CDK14: variants seen among roughly 807,000 people sequenced by gnomAD.
CDK14 encodes the protein cyclin-dependent kinase 14.
In CDK14, 34 loss-of-function variants were observed where a neutral mutation model predicts 60.7. The observed-to-expected ratio is 0.56, with a 90% confidence interval of 0.43 to 0.75. The LOEUF is 0.75. Among genes scored for constraint, CDK14 ranks in the 30% least tolerant of loss-of-function variants. The probability of loss-of-function intolerance (pLI) is 0.00; values close to 1 mark genes in which losing one functional copy is unlikely to be tolerated. For synonymous variants in CDK14, 197 were observed against 203.7 expected, an observed-to-expected ratio of 0.97 and a Z score of 0.28; for missense variants, 482 against 564.1, an observed-to-expected ratio of 0.85 and a Z score of 1.47.
chr7:90,601,951 TATG>T (rs1799325300), intron 1 of CDK14, among the ~76,000 whole-genome samples: 2 of 151,742 alleles, frequency 1.3e-5, no homozygotes, highest in African/African-American at 4.8e-5. Flanking sequence ...TGTATGTATG[TATG>T]TATGTATGTA....
At chr7:90,621,768 CT>C (rs1220637576) in intron 2 of CDK14, among the ~76,000 whole-genome samples, 1 of 151,718 alleles carries the variant, frequency 6.6e-6, no homozygotes, top group Non-Finnish European at 1.5e-5. Context: ...AATGTTTTTT[CT>C]GTATGGACCT....
At chr7:90,617,042 A>G (rs1312332121) in intron 2 of CDK14, among the ~76,000 whole-genome samples, 4 of 152,104 alleles carry the variant, frequency 2.6e-5, no homozygotes, top group African/African-American at 9.7e-5. Context: ...AATAATTTTA[A>G]TATTTGCTAT....
At position 90,964,324 on chromosome 7, in the gene CDK14, T is replaced by C. The variant is rs1794692826; in HGVS notation, c.947+8507T>C. On this transcript the variant is annotated intron_variant, in intron 9 of 14. Transcript: ENST00000380050. Reference sequence around the variant, plus strand: ...AACTTTGACAAAATGTAACTAGCAGTGTTTTGCTTTATAAAGGAGAGTCAT... The same window carrying C: ...AACTTTGACAAAATGTAACTAGCAGCGTTTTGCTTTATAAAGGAGAGTCAT... Among the ~76,000 whole-genome samples the C allele has an allele frequency of 2.0e-5, 3 of 152,188 alleles. No individual in the cohort carries two copies. In the South Asian group the frequency reaches 6.2e-4, roughly 32 times the overall value.
chr7:91,059,829 G>A (rs1797719426), intron 11 of CDK14, among the ~76,000 whole-genome samples: 2 of 152,234 alleles, frequency 1.3e-5, no homozygotes, highest in African/African-American at 4.8e-5. Context: ...TTCCAAGTAT[G>A]TGGTCAATTT....
At chr7:90,779,531 G>A (rs187193344) in intron 4 of CDK14, among the ~76,000 whole-genome samples, 391 of 152,220 alleles carry the variant, frequency 2.6e-3, no homozygotes, top group Middle Eastern at 6.8e-3. Flanking sequence ...TTTATATAGC[G>A]TGCTGAGATT....
chr7:91,164,660 G>A (rs1801288477), intron 14 of CDK14, among the ~76,000 whole-genome samples: 1 of 152,118 alleles, frequency 6.6e-6, no homozygotes, highest in African/African-American at 2.4e-5. Context: ...ATAGCAGCTG[G>A]CCCGAAATAC....
chr7:91,075,193 G>A (rs1358127859), intron 11 of CDK14, among the ~76,000 whole-genome samples: 1 of 152,076 alleles, frequency 6.6e-6, no homozygotes, highest in Non-Finnish European at 1.5e-5. Context: ...ACACAAAAAA[G>A]CAAACTTCAG....
At chr7:90,609,884 A>G (rs1055094764) in intron 2 of CDK14, among the ~76,000 whole-genome samples, 3 of 152,168 alleles carry the variant, frequency 2.0e-5, no homozygotes, top group East Asian at 1.9e-4. Flanking sequence ...CTCAGTGTCC[A>G]TATGGATGAT....
At chr7:91,012,547 C>A (rs1408354424) in intron 10 of CDK14, among the ~76,000 whole-genome samples, 1 of 152,192 alleles carries the variant, frequency 6.6e-6, no homozygotes, top group Non-Finnish European at 1.5e-5. Flanking sequence ...CTCCTGTCTG[C>A]AGATTTTCTT....
At chr7:90,799,516 C>T (rs925747189) in intron 5 of CDK14, among the ~76,000 whole-genome samples, 4 of 151,744 alleles carry the variant, frequency 2.6e-5, no homozygotes, top group African/African-American at 2.4e-5. Flanking sequence ...GGCAAAACCC[C>T]GTGTCTACTA....
intron 11 of CDK14, among the ~76,000 whole-genome samples, chr7:91,046,349 T>A (rs1380979912): frequency 1.3e-5 from 2 of 152,192 alleles, no homozygotes; most frequent in African/African-American, 4.8e-5. Flanking sequence ...AAAAATCATA[T>A]TTTTATTTTT....
At chr7:90,808,550 T>C (rs1788955419) in intron 5 of CDK14, among the ~76,000 whole-genome samples, 1 of 152,170 alleles carries the variant, frequency 6.6e-6, no homozygotes. Context: ...AGGAAGAAAC[T>C]GCATCAACTA....
At chr7:90,878,093 T>TGTGA (rs1237217822) in intron 6 of CDK14, among the ~76,000 whole-genome samples, 2 of 149,660 alleles carry the variant, frequency 1.3e-5, no homozygotes, top group African/African-American at 4.9e-5. Flanking sequence ...TGTGTGTGTG[T>TGTGA]GAGAGAGAGA....
chr7:90,655,234 T>A (rs2188146), intron 2 of CDK14, among the ~76,000 whole-genome samples: 2 of 151,984 alleles, frequency 1.3e-5, no homozygotes, highest in African/African-American at 4.8e-5. Context: ...CATTTACCCA[T>A]TGATGTAACA....
intron 14 of CDK14, among the ~76,000 whole-genome samples, chr7:91,177,140 C>G (rs1356462733): frequency 1.3e-5 from 2 of 151,438 alleles, no homozygotes; most frequent in Non-Finnish European, 2.9e-5. Flanking sequence ...CCCTGGGATG[C>G]AAGGCTGGTT....
At chr7:90,673,546 A>G (rs1028910374) in intron 2 of CDK14, among the ~76,000 whole-genome samples, 1 of 151,890 alleles carries the variant, frequency 6.6e-6, no homozygotes, top group African/African-American at 2.4e-5. Context: ...CTCAGCTTAA[A>G]ATTGGTTAAG....
Position 90,983,694 on chromosome 7 carries a change from AG to A in CDK14, c.948-453del, listed in dbSNP as rs1271029278. 2.0e-5 allele frequency among the ~76,000 whole-genome samples: 3 copies of A among 150,838 alleles called. No homozygotes were observed. The East Asian group carries it at 5.8e-4, about 29-fold the overall frequency. Reference sequence around the variant, plus strand: ...GACTCCATCTCAAAAAAAAAAAAAAAGAATGAAATAGTGTTGTTTGCAGCAA... The same window carrying A: ...GACTCCATCTCAAAAAAAAAAAAAAAAATGAAATAGTGTTGTTTGCAGCAA... On this transcript the variant is annotated intron_variant, in intron 9 of 14. Coordinates refer to ENST00000380050, the MANE Select transcript of CDK14 (RefSeq NM_001287135.2).
intron 2 of CDK14, among the ~76,000 whole-genome samples, chr7:90,695,387 T>C (rs920402489): frequency 6.6e-6 from 1 of 152,236 alleles, no homozygotes; most frequent in Non-Finnish European, 1.5e-5. Context: ...GTATATTCTC[T>C]ACCTTGGTAA....
chr7:90,787,151 A>G (rs1805620080), intron 4 of CDK14, among the ~76,000 whole-genome samples: 1 of 152,176 alleles, frequency 6.6e-6, no homozygotes. Flanking sequence ...CTCTTAGGTT[A>G]AAGAGCAATT....
Sources: allele counts gnomAD v4.1 joint callset (sites outside exome capture counted in the v4.1 genomes callset), GRCh38; gene constraint gnomAD v4.1.1; transcripts MANE v1.5; gene names NCBI Gene and HGNC (gene_info 2026-07-23, HGNC 2026-07-21).